CAST: variants seen among roughly 807,000 people sequenced by gnomAD.
The protein encoded by CAST is calpastatin.
CAST carries 76 observed loss-of-function variants against 119.6 expected under a neutral mutation model. The ratio of observed to expected loss-of-function variants is 0.64; its 90% CI spans 0.53 to 0.77. CAST has a LOEUF of 0.77. Among genes scored for constraint, CAST ranks in the 30% least tolerant of loss-of-function variants. The pLI is 0.00. For missense variants in CAST, 953 were observed against 946.5 expected, an observed-to-expected ratio of 1.01 and a Z score of -0.09; for synonymous variants, 319 against 331.6, an observed-to-expected ratio of 0.96 and a Z score of 0.41.
the CAST span, among the ~76,000 whole-genome samples, chr5:96,496,368 T>C: frequency 6.6e-6 from 1 of 152,192 alleles, no homozygotes; most frequent in African/African-American, 2.4e-5. Context: ...TTTGTTGCAT[T>C]TAAGGAAATT....
chr5:96,037,100 T>C, the CAST span, among the ~76,000 whole-genome samples: 1 of 152,086 alleles, frequency 6.6e-6, no homozygotes, highest in African/African-American at 2.4e-5. Context: ...TTTTGGCTTC[T>C]TTCCCCACAA....
chr5:96,517,947 G>A, the CAST span, among the ~76,000 whole-genome samples: 1 of 152,200 alleles, frequency 6.6e-6, no homozygotes, highest in Non-Finnish European at 1.5e-5. Flanking sequence ...ACACTTATAA[G>A]GTAAAGCAGA....
At chr5:95,973,940 G>A in the CAST span, among the ~76,000 whole-genome samples, 10 of 151,934 alleles carry the variant, frequency 6.6e-5, no homozygotes, top group Admixed American at 5.9e-4. Flanking sequence ...AAAAAGACCC[G>A]TGTACACTAC....
chr5:96,498,267 G>T, the CAST span, among the ~76,000 whole-genome samples: 3 of 152,284 alleles, frequency 2.0e-5, no homozygotes, highest in African/African-American at 7.2e-5. Flanking sequence ...TACTGTAGCT[G>T]TGTAGTATAG....
the CAST span, among the ~76,000 whole-genome samples, chr5:96,258,695 C>T: frequency 6.6e-6 from 1 of 152,150 alleles, no homozygotes; most frequent in Non-Finnish European, 1.5e-5. Flanking sequence ...TATCTGATAT[C>T]TTGACATATT....
At chr5:96,341,230 T>C in the CAST span, among the ~76,000 whole-genome samples, 2 of 152,154 alleles carry the variant, frequency 1.3e-5, no homozygotes, top group African/African-American at 4.8e-5. Flanking sequence ...CATTAGAAAG[T>C]ATCACTTACC....
chr5:96,271,230 T>C, the CAST span, among the ~76,000 whole-genome samples: 6 of 152,040 alleles, frequency 3.9e-5, no homozygotes, highest in African/African-American at 9.7e-5. Context: ...AGATTCAATG[T>C]AGAAATAGTA....
At chr5:96,271,117 A>G in the CAST span, among the ~76,000 whole-genome samples, 1 of 152,314 alleles carries the variant, frequency 6.6e-6, no homozygotes, top group East Asian at 1.9e-4. Flanking sequence ...TAAAACACTG[A>G]TTAAAGAAAT....
the CAST span, among the ~76,000 whole-genome samples, chr5:96,245,564 A>T: frequency 6.6e-6 from 1 of 151,938 alleles, no homozygotes; most frequent in Non-Finnish European, 1.5e-5. Context: ...TACTTAGTTT[A>T]CACAGAAGAA....
the CAST span, among the ~76,000 whole-genome samples, chr5:96,242,701 T>G: frequency 6.6e-6 from 1 of 152,208 alleles, no homozygotes; most frequent in Non-Finnish European, 1.5e-5. Context: ...GTGATTTTCT[T>G]TTGTCTTTTA....
At chr5:95,978,421 ATGCT>A in the CAST span, among the ~76,000 whole-genome samples, 1 of 151,988 alleles carries the variant, frequency 6.6e-6, no homozygotes, top group Non-Finnish European at 1.5e-5. Context: ...CTTTTTTCAT[ATGCT>A]TGTTGCCGAC....
At chr5:96,599,252 A>G (rs1165802733) in intron 1 of CAST, among the ~76,000 whole-genome samples, 4 of 152,210 alleles carry the variant, frequency 2.6e-5, no homozygotes, top group African/African-American at 9.6e-5. Context: ...AGGGGGTGAA[A>G]GAGAAGGAGG....
At chr5:96,281,407 T>A in the CAST span, among the ~76,000 whole-genome samples, 6 of 152,186 alleles carry the variant, frequency 3.9e-5, no homozygotes, top group Non-Finnish European at 5.9e-5. Context: ...CTGTGTGTGG[T>A]GAACAGTTGA....
At chr5:96,666,631 CAT>C (rs2150226525) in intron 1 of CAST, among the ~76,000 whole-genome samples, 1 of 152,324 alleles carries the variant, frequency 6.6e-6, no homozygotes, top group Admixed American at 6.5e-5. Flanking sequence ...GTAATGGAAA[CAT>C]AGAGGTCAAA....
At chr5:96,493,822 G>A in the CAST span, among the ~76,000 whole-genome samples, 1 of 152,092 alleles carries the variant, frequency 6.6e-6, no homozygotes, top group Non-Finnish European at 1.5e-5. Flanking sequence ...ATCACCTGAG[G>A]TCAGGAGTTC....
chr5:96,565,361 C>T (rs1746447581), intron 1 of CAST, among the ~76,000 whole-genome samples: 1 of 152,050 alleles, frequency 6.6e-6, no homozygotes, highest in African/African-American at 2.4e-5. Flanking sequence ...TGTCTCGAAA[C>T]ATCACATTGT....
the CAST span, among the ~76,000 whole-genome samples, chr5:96,044,166 G>A: frequency 2.0e-5 from 3 of 152,184 alleles, no homozygotes; most frequent in Non-Finnish European, 4.4e-5. Flanking sequence ...GCAAGCACTT[G>A]GGAAAATCGT....
the CAST span, among the ~76,000 whole-genome samples, chr5:96,255,613 TG>T: frequency 6.6e-6 from 1 of 151,968 alleles, no homozygotes; most frequent in African/African-American, 2.4e-5. Context: ...GCATTTTTAA[TG>T]GATGATGACC....
the CAST span, among the ~76,000 whole-genome samples, chr5:96,433,649 CA>C: frequency 6.6e-6 from 1 of 152,040 alleles, no homozygotes; most frequent in Non-Finnish European, 1.5e-5. Context: ...CTTTGGGCAT[CA>C]GCACCTGCTA....
Sources: gnomAD v4.1 joint callset for allele counts (sites outside exome capture counted in the v4.1 genomes callset) on GRCh38, gnomAD v4.1.1 for gene constraint, MANE v1.5 for transcripts, NCBI Gene and HGNC (gene_info 2026-07-23, HGNC 2026-07-21) for gene names.